OPCML: variants seen among roughly 807,000 people sequenced by gnomAD.
OPCML encodes opioid-binding protein/cell adhesion molecule.
In OPCML, 13 loss-of-function variants were observed where a neutral mutation model predicts 37.8. The ratio of observed to expected loss-of-function variants is 0.34; its 90% confidence interval spans 0.22 to 0.55. OPCML has a LOEUF of 0.55. Among genes scored for constraint, OPCML ranks in the 20% least tolerant of loss-of-function variants. The probability of loss-of-function intolerance (pLI) is 0.91; values close to 1 mark genes in which losing one functional copy is unlikely to be tolerated. For missense variants in OPCML, 341 were observed against 435.6 expected (o/e 0.78, Z 1.93); for synonymous variants, 176 against 168.8 (o/e 1.04, Z -0.33).
At chr11:132,874,165 T>C (rs1312641038) in intron 2 of OPCML, among the ~76,000 whole-genome samples, 1 of 152,226 alleles carries the variant, frequency 6.6e-6, no homozygotes, top group Non-Finnish European at 1.5e-5. Flanking sequence ...TTTCTCCCCA[T>C]GACATTTTGT....
chr11:132,766,812 A>G lies in OPCML; in HGVS notation c.147-109493T>C, dbSNP rs993279455. ...CCAGATCCAAGATGGAAGAAAAATAAAAGATATTACTAGCAAAAATGGAAA... is the reference window on the plus strand; with the variant it reads ...CCAGATCCAAGATGGAAGAAAAATAGAAGATATTACTAGCAAAAATGGAAA... On this transcript the variant is annotated intron_variant, in intron 2 of 7. Transcript: ENST00000524381. Among the ~76,000 whole-genome samples, 9 of 152,332 alleles carry G rather than the reference A, an allele frequency of 5.9e-5. 1 individual carries two copies. The highest frequency in any genetic ancestry group is 1.3e-4 in the Admixed American group (2 of 15,300).
At chr11:133,004,417 T>C (rs536059435) in intron 1 of OPCML, 3 of 985,466 alleles carry the variant, frequency 3.0e-6, no homozygotes, top group East Asian at 1.1e-4. Flanking sequence ...CATCTGGCAA[T>C]TGACAGCCAA....
intron 1 of OPCML, among the ~76,000 whole-genome samples, chr11:133,287,911 G>T (rs7925020): frequency 0.36 from 54,568 of 152,056 alleles, 11,116 homozygotes; most frequent in East Asian, 0.75. Flanking sequence ...GTTCCTGGTG[G>T]ACTGGTTTCT....
At chr11:133,288,937 CAAG>C (rs914531752) in intron 1 of OPCML, among the ~76,000 whole-genome samples, 2 of 152,064 alleles carry the variant, frequency 1.3e-5, no homozygotes, top group African/African-American at 4.8e-5. Flanking sequence ...AGAAGCAAGA[CAAG>C]AATAGCCAGC....
At chr11:132,823,507 CCAG>C (rs1393769543) in intron 2 of OPCML, among the ~76,000 whole-genome samples, 2 of 151,954 alleles carry the variant, frequency 1.3e-5, no homozygotes, top group Non-Finnish European at 2.9e-5. Flanking sequence ...CTGTCTTTCC[CCAG>C]CATCATCAAT....
intron 2 of OPCML, among the ~76,000 whole-genome samples, chr11:132,688,329 AT>A (rs1164979915): frequency 1.3e-5 from 2 of 152,166 alleles, no homozygotes; most frequent in Admixed American, 6.5e-5. Flanking sequence ...CCGGCAGTAA[AT>A]GACAAACATG....
chr11:133,044,687 A>G (rs1490883155), intron 1 of OPCML, among the ~76,000 whole-genome samples: 1 of 152,250 alleles, frequency 6.6e-6, no homozygotes, highest in African/African-American at 2.4e-5. Context: ...ACTGAGGCAC[A>G]GAGCGGTGAA....
At chr11:132,925,878 G>A (rs1467872898) in intron 2 of OPCML, among the ~76,000 whole-genome samples, 1 of 152,134 alleles carries the variant, frequency 6.6e-6, no homozygotes, top group Admixed American at 6.5e-5. Flanking sequence ...AGAAGTCTCT[G>A]TCCATGACTC....
chr11:132,692,865 C>T lies in OPCML; in HGVS notation c.147-35546G>A, dbSNP rs558180725. On this transcript the variant is annotated intron_variant, in intron 2 of 7. Coordinates refer to ENST00000524381, the MANE Select transcript of OPCML (RefSeq NM_001012393.5). ...TGTATTGAAATTGATCATGAACCAC[C>T]TTTTCCCACTGGCTTTAACAATTCC... Among the ~76,000 whole-genome samples, 6 of 152,292 alleles carry T rather than the reference C, an allele frequency of 3.9e-5. 1 individual carries two copies. In the South Asian group the frequency reaches 1.2e-3, roughly 32 times the overall value.
chr11:132,703,583 G>A (rs1026447047), intron 2 of OPCML, among the ~76,000 whole-genome samples: 1 of 152,282 alleles, frequency 6.6e-6, no homozygotes. Flanking sequence ...TGGTTGGTAG[G>A]GTCTACCAGT....
intron 4 of OPCML, among the ~76,000 whole-genome samples, chr11:132,505,356 C>T (rs555005171): frequency 2.0e-5 from 3 of 152,058 alleles, no homozygotes; most frequent in East Asian, 3.9e-4. Context: ...GTGATCGAGC[C>T]GTACACTTAA....
intron 1 of OPCML, among the ~76,000 whole-genome samples, chr11:132,973,859 C>G (rs1314666232): frequency 1.3e-5 from 2 of 149,334 alleles, no homozygotes; most frequent in African/African-American, 5.2e-5. Flanking sequence ...AAAGAAAGCA[C>G]GGAGTGGATC....
Position 133,237,197 on chromosome 11 carries a change from C to T in OPCML, c.62-294187G>A, listed in dbSNP as rs552247248. On this transcript the variant is annotated intron_variant, in intron 1 of 7. Coordinates refer to ENST00000524381, the MANE Select transcript of OPCML (RefSeq NM_001012393.5). ...TGCTTCTTGTTTCAAAGTGAGTTAA[C>T]GTGAAGGAATTCCTGTAGACAACAT... Among the ~76,000 whole-genome samples the T allele has an allele frequency of 6.6e-5, 10 of 152,268 alleles. No homozygotes were observed. In the South Asian group the frequency reaches 2.1e-3, roughly 32 times the overall value.
In OPCML at chr11:133,206,619, AG is replaced by A. The variant is rs1939072786; in HGVS notation, c.62-263610del. ...TGTTTATAGGCTGTTCCAAAAACCA[AG>A]CACCCAATGTCACCCTGAGAGATCA... On this transcript the variant is annotated intron_variant, in intron 1 of 7. Transcript: ENST00000524381. The surrounding 1 kb of genome is among the most constrained non-coding windows in gnomAD (Gnocchi z 4.7). 6.6e-6 allele frequency among the ~76,000 whole-genome samples: 1 copy of A among 152,184 alleles called. No individual in the cohort carries two copies. The highest frequency in any genetic ancestry group is 1.5e-5 in the Non-Finnish European group (1 of 68,030).
chr11:133,419,455 T>C (rs1945836496), intron 1 of OPCML: 2 of 424,432 alleles, frequency 4.7e-6, no homozygotes, highest in Non-Finnish European at 6.3e-6. Flanking sequence ...AGTTGAGTTA[T>C]ATAAACTTTT....
intron 2 of OPCML, among the ~76,000 whole-genome samples, chr11:132,666,461 C>T (rs1170384282): frequency 1.3e-5 from 2 of 152,156 alleles, no homozygotes; most frequent in Non-Finnish European, 2.9e-5. Context: ...ACACCCCCAA[C>T]CAAGCCCCAC....
At chr11:133,012,477 T>C (rs963531165) in intron 1 of OPCML, among the ~76,000 whole-genome samples, 6 of 152,196 alleles carry the variant, frequency 3.9e-5, no homozygotes, top group Non-Finnish European at 8.8e-5. Flanking sequence ...TCAAAGAAGT[T>C]TTATTTTCTT....
chr11:132,747,350 C>T (rs1945666550), intron 2 of OPCML, among the ~76,000 whole-genome samples: 2 of 152,082 alleles, frequency 1.3e-5, no homozygotes, highest in African/African-American at 4.8e-5. Flanking sequence ...AGGTGAAGCA[C>T]AGTGACAAAG....
At chr11:132,937,608 GTGT>G (rs1945434320) in intron 2 of OPCML, among the ~76,000 whole-genome samples, 1 of 137,618 alleles carries the variant, frequency 7.3e-6, no homozygotes, top group African/African-American at 3.3e-5. Context: ...GTGTGTGTGT[GTGT>G]GTGTGTGTGT....
Sources: allele counts gnomAD v4.1 joint callset (sites outside exome capture counted in the v4.1 genomes callset), GRCh38; gene constraint gnomAD v4.1.1; non-coding constraint Gnocchi (gnomAD v3.1); transcripts MANE v1.5; gene names NCBI Gene and HGNC (gene_info 2026-07-23, HGNC 2026-07-21).